PRDX4: variants seen among roughly 807,000 people sequenced by gnomAD.
PRDX4 encodes peroxiredoxin 4, also known as peroxiredoxin-4.
PRDX4 carries 12 observed loss-of-function variants against 20.5 expected under a neutral mutation model. The observed-to-expected ratio is 0.58, with a 90% confidence interval of 0.37 to 0.95. The LOEUF (loss-of-function observed/expected upper bound fraction) is 0.95. Ranked by LOEUF, PRDX4 falls within the 40% of genes least tolerant of loss-of-function variation. The pLI, the probability that PRDX4 is intolerant of heterozygous loss-of-function variation, is 0.01. For missense variants in PRDX4, 180 were observed against 207.3 expected, an observed-to-expected ratio of 0.87 and a Z score of 0.81; for synonymous variants, 99 against 87.5, an observed-to-expected ratio of 1.13 and a Z score of -0.73.
rs144272384 is a variant in PRDX4 at position 23,686,350 on chromosome X, A to G, written c.*15A>G. ...AACTGAATTGAGAAATACTTCTTCAAGTTATGATGCTTGAAAGTTCTCAAT... is the reference window on the plus strand; with the variant it reads ...AACTGAATTGAGAAATACTTCTTCAGGTTATGATGCTTGAAAGTTCTCAAT... On this transcript the variant is annotated 3_prime_UTR_variant, in exon 7 of 7. Transcript: ENST00000379341. 1,424 of 1,147,190 alleles carry G rather than the reference A, an allele frequency of 1.2e-3. 7 individuals carry two copies. In the African/African-American group the frequency reaches 0.02, roughly 16 times the overall value. The allele number at this position is 1,147,190 out of a possible 1,213,427, so 94.5% of individuals were successfully genotyped here. A position where few individuals can be genotyped will look rare whatever the true frequency, so the allele number is the denominator to read the frequency against.
rs1026636835 is a variant in PRDX4, at chrX:23,667,769, G to A, written c.199G>A (p.Val67Ile). 1 of 1,211,647 alleles carries A rather than the reference G, an allele frequency of 8.3e-7. No individual in the cohort carries two copies. The highest frequency in any genetic ancestry group is 3.0e-5 in the East Asian group (1 of 33,822). The part of the protein sequence containing the change: ...GQVYPGEASR[V>I]SVADHSLHLS... ...AGTGTACCCGGGAGAGGCATCCCGGGTATCGGTCGCCGACCACTCCCTGCA... is the reference window on the plus strand; with the variant it reads ...AGTGTACCCGGGAGAGGCATCCCGGATATCGGTCGCCGACCACTCCCTGCA... Residue 67 changes from valine (V) to isoleucine (I), a missense_variant, in exon 1 of 7, where the codon GTA becomes ATA. This residue lies in a region of PRDX4 where 105 missense variants were observed against 114.2 expected (regional missense o/e 0.92). Coordinates refer to ENST00000379341, the MANE Select transcript of PRDX4 (RefSeq NM_006406.2).
intron 1 of PRDX4, among the ~76,000 whole-genome samples, chrX:23,669,100 A>G (rs753517975): frequency 9.1e-6 from 1 of 110,378 alleles, no homozygotes; most frequent in East Asian, 2.8e-4. Context: ...TATTTTTTGT[A>G]TTTTTAGTAG....
chrX:23,679,939 G>A (rs1461019328), intron 4 of PRDX4, among the ~76,000 whole-genome samples: 2 of 112,298 alleles, frequency 1.8e-5, no homozygotes, highest in Admixed American at 9.5e-5. Context: ...GCGAGATCAC[G>A]CCACCGCACT....
At chrX:23,673,834 G>C (rs1927893812) in intron 2 of PRDX4, among the ~76,000 whole-genome samples, 1 of 109,633 alleles carries the variant, frequency 9.1e-6, no homozygotes, top group Non-Finnish European at 1.9e-5. Context: ...TATAGCCCAG[G>C]TTTCCAGGGA....
Position 23,667,653 on chromosome X carries a change from T to G in PRDX4, c.83T>G (p.Phe28Cys). 4 of 1,207,819 alleles carry G rather than the reference T, an allele frequency of 3.3e-6. No homozygotes were observed. The highest frequency in any genetic ancestry group is 4.5e-6 in the Non-Finnish European group (4 of 893,464). The change falls in exon 1 of 7, where the codon TTC becomes TGC. Residue 28 changes from phenylalanine (F) to cysteine (C), a missense_variant. By Grantham distance (205) the Phe-to-Cys change is radical. Coordinates refer to ENST00000379341, the MANE Select transcript of PRDX4 (RefSeq NM_006406.2). ...RRLLLLPLLL[F>C]LLPAGAVQGW... Reference sequence around the variant, plus strand: ...CTGCTTCTGCTGCCGCTACTGCTGTTCCTGCTGCCGGCTGGAGCTGTGCAG... The same window carrying G: ...CTGCTTCTGCTGCCGCTACTGCTGTGCCTGCTGCCGGCTGGAGCTGTGCAG...
intron 2 of PRDX4, among the ~76,000 whole-genome samples, chrX:23,672,222 C>T (rs1186913928): frequency 8.9e-6 from 1 of 111,762 alleles, no homozygotes; most frequent in Non-Finnish European, 1.9e-5. Context: ...GATAGTGCCA[C>T]TGCACTCCAG....
chrX:23,686,341 ACTT>A lies in PRDX4; in HGVS notation c.*11_*13del. ...ATTTCGATAAACTGAATTGAGAAATACTTCTTCAAGTTATGATGCTTGAAAGTT... is the reference window on the plus strand; with the variant it reads ...ATTTCGATAAACTGAATTGAGAAATACTTCAAGTTATGATGCTTGAAAGTT... On this transcript the variant is annotated 3_prime_UTR_variant, in exon 7 of 7. Transcript: ENST00000379341. The A allele has an allele frequency of 1.7e-6, 2 of 1,166,260 alleles. No individual in the cohort carries two copies. The highest frequency in any genetic ancestry group is 3.0e-5 in the East Asian group (1 of 33,154).
chrX:23,673,928 A>G (rs1345158634), intron 2 of PRDX4, among the ~76,000 whole-genome samples: 1 of 110,479 alleles, frequency 9.1e-6, no homozygotes, highest in Non-Finnish European at 1.9e-5. Flanking sequence ...CTGTATTGGT[A>G]TCTGGTAGGA....
Position 23,686,160 on chromosome X carries a change from C to G in PRDX4, c.766-125C>G, listed in dbSNP as rs182289635. 88 of 477,229 alleles carry G rather than the reference C, an allele frequency of 1.8e-4. No individual in the cohort carries two copies. In the African/African-American group the frequency reaches 2.0e-3, roughly 11 times the overall value. The allele number at this position is 477,229 out of a possible 1,213,427, so 39.3% of individuals were successfully genotyped here. A position where few individuals can be genotyped will look rare whatever the true frequency, so the allele number is the denominator to read the frequency against. ...TAGGCAGGACAAATCTCATTTTTTT[C>G]TAAATATACAATCTGATATACAAAA... is the stretch of plus-strand genomic sequence containing the variant. On this transcript the variant is annotated intron_variant, in intron 6 of 6. Coordinates refer to ENST00000379341, the MANE Select transcript of PRDX4 (RefSeq NM_006406.2).
At chrX:23,676,736 G>T (rs1037389394) in intron 3 of PRDX4, among the ~76,000 whole-genome samples, 2 of 107,682 alleles carry the variant, frequency 1.9e-5, no homozygotes, top group Non-Finnish European at 3.8e-5. Flanking sequence ...AGGCTGTAGT[G>T]AGCCAAGATC....
chrX:23,681,441 T>G (rs1271616747), intron 4 of PRDX4, among the ~76,000 whole-genome samples: 2 of 112,033 alleles, frequency 1.8e-5, no homozygotes, highest in African/African-American at 6.5e-5. Context: ...TTCTGGACAT[T>G]TCATATAAAT....
At chrX:23,673,943 G>A (rs866014522) in intron 2 of PRDX4, among the ~76,000 whole-genome samples, 1 of 110,189 alleles carries the variant, frequency 9.1e-6, no homozygotes, top group Non-Finnish European at 1.9e-5. Flanking sequence ...GTAGGAACTT[G>A]TGCCCTAACT....
In PRDX4 at chrX:23,667,616, C is replaced by T. The variant is rs1242604347; in HGVS notation, c.46C>T (p.Arg16Cys). Residue 16 changes from arginine to cysteine, a missense_variant, in exon 1 of 7, where the codon CGC becomes TGC. Physicochemically the swap from Arg to Cys is radical, Grantham distance 180. Around this residue, in one of 3 missense-constraint regions of PRDX4, gnomAD observed 105 missense variants for 114.2 expected, o/e 0.92. Transcript: ENST00000379341. ...LLAATTPDHG[R>C]HRRLLLLPLL... ...AGCCGCGACAACTCCGGACCACGGCCGCCACCGAAGGCTGCTTCTGCTGCC... is the reference window on the plus strand; with the variant it reads ...AGCCGCGACAACTCCGGACCACGGCTGCCACCGAAGGCTGCTTCTGCTGCC... 8.4e-7 allele frequency: 1 copy of T among 1,194,642 alleles called. No individual in the cohort carries two copies. Among genetic ancestry groups the T allele is most frequent in the Admixed American group, 2.3e-5 (1 of 43,413 alleles).
intron 4 of PRDX4, among the ~76,000 whole-genome samples, chrX:23,681,867 C>A (rs1052681212): frequency 9.0e-6 from 1 of 111,077 alleles, no homozygotes. Context: ...ATGGCGAAAC[C>A]CTGTTTGTAC....
rs763786113 is a variant in PRDX4 at position 23,671,634 on chromosome X, A to C, written c.347A>C (p.Tyr116Ser). 3 of 1,181,563 alleles carry C rather than the reference A, an allele frequency of 2.5e-6. No homozygotes were observed. The highest frequency in any genetic ancestry group is 2.3e-6 in the Non-Finnish European group (2 of 874,492). The change falls in exon 2 of 7, where the codon TAC becomes TCC. Residue 116 changes from tyrosine (Y) to serine (S), a missense_variant. By Grantham distance (144) the Tyr-to-Ser change is moderately radical (BLOSUM62 -2). Coordinates refer to ENST00000379341, the MANE Select transcript of PRDX4 (RefSeq NM_006406.2). ...GGGAAATACTTGGTTTTCTTCTTCT[A>C]CCCACTTGATTTGTAAGTAATACAT... ...YRGKYLVFFF[Y>S]PLDFTFVCPT... is the part of the protein sequence containing the mutation.
chrX:23,681,324 G>A (rs1378104678), intron 4 of PRDX4, among the ~76,000 whole-genome samples: 1 of 112,252 alleles, frequency 8.9e-6, no homozygotes, highest in Admixed American at 9.5e-5. Flanking sequence ...ATGTTTTCAT[G>A]CTCCAAAAAA....
At chrX:23,679,123 C>A in intron 3 of PRDX4, 42 bp from the exon 4 acceptor site, 1 of 1,186,168 alleles carries the variant, frequency 8.4e-7, no homozygotes, top group Non-Finnish European at 1.1e-6. Context: ...TAATATATGC[C>A]GTTTACTTAG....
At chrX:23,669,943 A>G (rs1249529044) in intron 1 of PRDX4, among the ~76,000 whole-genome samples, 1 of 110,731 alleles carries the variant, frequency 9.0e-6, no homozygotes, top group Non-Finnish European at 1.9e-5. Context: ...AAATAACTAA[A>G]ATTAAAAAAA....
At chrX:23,680,918 A>C (rs1425013571) in intron 4 of PRDX4, among the ~76,000 whole-genome samples, 2 of 110,397 alleles carry the variant, frequency 1.8e-5, no homozygotes, top group African/African-American at 6.6e-5. Flanking sequence ...TCTCTAAAAA[A>C]ATAATTAAAA....
Sources: allele counts gnomAD v4.1 joint callset (sites outside exome capture counted in the v4.1 genomes callset), GRCh38; gene constraint gnomAD v4.1.1; regional missense constraint gnomAD v4.1.1; transcripts MANE v1.5; gene names NCBI Gene and HGNC (gene_info 2026-07-23, HGNC 2026-07-21).